Variants in NUP42 observed in about 807,000 individuals in gnomAD.
NUP42 encodes nucleoporin 42, also known as nucleoporin NUP42.
A neutral mutation model predicts 35.9 loss-of-function variants in NUP42; 47 were observed. The observed-to-expected ratio is 1.31, with a 90% confidence interval of 1.04 to 1.67. The LOEUF (loss-of-function observed/expected upper bound fraction) is 1.67, where lower values mean the gene tolerates loss of function less well. Among genes scored for constraint, NUP42 ranks in the 40% most tolerant of loss-of-function variants. The pLI is 0.00. For synonymous variants in NUP42, 173 were observed against 173.3 expected, an observed-to-expected ratio of 1.00 and a Z score of 0.01; for missense variants, 514 against 492.2, an observed-to-expected ratio of 1.04 and a Z score of -0.42.
rs1786176728 is a variant in NUP42 at position 23,200,432 on chromosome 7, C to T, written c.959C>T (p.Pro320Leu). The T allele has an allele frequency of 2.0e-5, 32 of 1,614,196 alleles. No homozygotes were observed. The highest frequency in any genetic ancestry group is 2.6e-5 in the Non-Finnish European group (31 of 1,180,030). Residue 320 changes from proline to leucine, a missense_variant, in exon 7 of 7, where the codon CCA becomes CTA. Transcript: ENST00000258742. ...GGATCACCTGGATTTTCAGGACTTC[C>T]AGCTTCCTTGGCAACAGGTCCTGTC... ...SFGSPGFSGLPASLATGPVRA... is the reference protein window; with the variant it reads ...SFGSPGFSGLLASLATGPVRA...
chr7:23,197,124 T>C (rs1296089519), intron 5 of NUP42: 10 of 829,220 alleles, frequency 1.2e-5, no homozygotes, highest in East Asian at 1.3e-4. Flanking sequence ...TAGAATGTAA[T>C]GTATCGTTTT....
intron 3 of NUP42, among the ~76,000 whole-genome samples, chr7:23,190,525 TAAAC>T (rs984455603): frequency 9.2e-5 from 14 of 152,262 alleles, no homozygotes; most frequent in African/African-American, 3.4e-4. Flanking sequence ...GTAACCCTTG[TAAAC>T]AAACATTCTT....
At chr7:23,197,473 G>A (rs1786053177) in intron 5 of NUP42, among the ~76,000 whole-genome samples, 1 of 152,160 alleles carries the variant, frequency 6.6e-6, no homozygotes, top group Admixed American at 6.5e-5. Context: ...AGACTCTTGT[G>A]CAAGCTAATT....
Position 23,187,138 on chromosome 7 carries a change from A to G in NUP42, c.437A>G (p.Asn146Ser). 2 of 1,601,848 alleles carry G rather than the reference A, an allele frequency of 1.2e-6. No homozygotes were observed. The highest frequency in any genetic ancestry group is 1.7e-5 in the Admixed American group (1 of 59,112). The change falls in exon 3 of 7, where the codon AAT becomes AGT. Residue 146 changes from asparagine to serine, a missense_variant. Transcript: ENST00000258742. ...SVYSPVKKKP[N>S]ISGFTDISPE... Reference sequence around the variant, plus strand: ...TATTCACCAGTGAAAAAGAAACCTAATATTTCAGGTAACTGAAAAATTGTG... The same window carrying G: ...TATTCACCAGTGAAAAAGAAACCTAGTATTTCAGGTAACTGAAAAATTGTG...
intron 5 of NUP42, 151 bp from the exon 6 acceptor site, chr7:23,199,307 C>T (rs771595825): frequency 9.8e-5 from 60 of 609,792 alleles, no homozygotes; most frequent in Non-Finnish European, 1.5e-4. Flanking sequence ...CCTCCTCAGC[C>T]TCCCAAAGTG....
intron 3 of NUP42, among the ~76,000 whole-genome samples, chr7:23,192,295 C>T (rs372892461): frequency 6.2e-4 from 94 of 151,866 alleles, no homozygotes; most frequent in African/African-American, 2.2e-3. Context: ...CCTGTAATCT[C>T]GGCACTTTGG....
chr7:23,200,119 G>T, intron 6 of NUP42, 49 bp from the exon 7 acceptor site: 2 of 1,263,370 alleles, frequency 1.6e-6, no homozygotes, highest in South Asian at 3.2e-5. Flanking sequence ...ACATTTTTCT[G>T]ACCGTAATAG....
intron 3 of NUP42, among the ~76,000 whole-genome samples, chr7:23,192,877 T>C (rs1785851273): frequency 6.6e-6 from 1 of 152,234 alleles, no homozygotes; most frequent in South Asian, 2.1e-4. Context: ...TGGTGGGTTC[T>C]TGGTCTCACT....
chr7:23,185,558 A>C (rs1175546158), intron 2 of NUP42, among the ~76,000 whole-genome samples: 1 of 152,194 alleles, frequency 6.6e-6, no homozygotes, highest in Non-Finnish European at 1.5e-5. Context: ...TTTCTATAAT[A>C]GTAGAGTGCC....
At position 23,182,119 on chromosome 7, in the gene NUP42, T is replaced by TG. The variant is rs1785424250; in HGVS notation, c.35dup (p.Cys12TrpfsTer15). On this transcript the variant is annotated frameshift_variant, in exon 1 of 7. Coordinates refer to ENST00000258742, the MANE Select transcript of NUP42 (RefSeq NM_007342.3). LOFTEE classifies it high-confidence loss of function. ...TTGTCAATTCTTCCTTCAAGGCCGG[T>TG]GCCGCTTTGGAGATCGGTGCTGGAA... 1 of 1,614,082 alleles carries TG rather than the reference T, an allele frequency of 6.2e-7. No individual in the cohort carries two copies. Among genetic ancestry groups the TG allele is most frequent in the Non-Finnish European group, 8.5e-7 (1 of 1,180,040 alleles).
chr7:23,182,607 C>A (rs11976321), intron 1 of NUP42: 6 of 710,284 alleles, frequency 8.4e-6, no homozygotes, highest in Non-Finnish European at 7.0e-6. Flanking sequence ...TTGAAAAAAT[C>A]TAATAAAACC....
At chr7:23,198,411 A>G (rs112733606) in intron 5 of NUP42, 13,302 of 151,440 alleles carry the variant, frequency 0.088, 913 homozygotes, top group African/African-American at 0.18. Context: ...GGATTTCACC[A>G]TGTTAGCCAG....
intron 4 of NUP42, chr7:23,196,472 G>T: frequency 2.0e-6 from 1 of 511,492 alleles, no homozygotes; most frequent in African/African-American, 1.9e-5. Flanking sequence ...CTAACCAGAT[G>T]ATACAAGGAG....
chr7:23,199,458 C>A lies in NUP42; in HGVS notation c.610C>A (p.Leu204Ile). Residue 204 changes from leucine to isoleucine, a missense_variant and splice_region_variant, in exon 6 of 7, where the codon CTC (leucine) becomes ATC (isoleucine). By Grantham distance (5) the Leu-to-Ile change is conservative. Coordinates refer to ENST00000258742, the MANE Select transcript of NUP42 (RefSeq NM_007342.3). ...SLNISTKVAL[L>I]SDVKDGVNQA... ...TTATTTGCACACTTTTTTTTTTCAG[C>A]TCTCTGATGTAAAGGATGGAGTAAA... is the stretch of plus-strand genomic sequence containing the variant. The A allele has an allele frequency of 6.2e-7, 1 of 1,610,170 alleles. No homozygotes were observed. Among genetic ancestry groups the A allele is most frequent in the Non-Finnish European group, 8.5e-7 (1 of 1,178,220 alleles).
intron 1 of NUP42, 187 bp downstream of exon 1, chr7:23,182,393 C>A (rs1785439065): frequency 1.4e-6 from 2 of 1,398,132 alleles, no homozygotes. Flanking sequence ...TCATGTGGTC[C>A]GTTTTTATTG....
At chr7:23,193,910 C>T (rs1785910308) in intron 3 of NUP42, among the ~76,000 whole-genome samples, 1 of 152,250 alleles carries the variant, frequency 6.6e-6, no homozygotes, top group South Asian at 2.1e-4. Context: ...GCAAGAAATC[C>T]AGCGCAGCGC....
chr7:23,192,854 A>G (rs746146485), intron 3 of NUP42, among the ~76,000 whole-genome samples: 9 of 152,266 alleles, frequency 5.9e-5, no homozygotes, highest in African/African-American at 1.4e-4. Context: ...ATGTATACCT[A>G]TGTGTCCGGA....
At chr7:23,199,634 A>T in intron 6 of NUP42, 92 bp downstream of exon 6, 1 of 1,069,344 alleles carries the variant, frequency 9.4e-7, no homozygotes. Flanking sequence ...ATTTTAAATT[A>T]CCTTCGTAAA....
At position 23,200,488 on chromosome 7, in the gene NUP42, G is replaced by A. The variant is rs1786183007; in HGVS notation, c.1015G>A (p.Gly339Ser). 6.2e-7 allele frequency: 1 copy of A among 1,614,094 alleles called. No homozygotes were observed. Among genetic ancestry groups the A allele is most frequent in the Non-Finnish European group, 8.5e-7 (1 of 1,179,962 alleles). ...TCCAGTGGCCCCAGCCTTTGGAGGT[G>A]GCAGTTCTGTGGCTGGTTTTGGTAG... ...RAPVAPAFGGGSSVAGFGSPG... is the reference protein window; with the variant it reads ...RAPVAPAFGGSSSVAGFGSPG... Residue 339 changes from glycine (G) to serine (S), a missense_variant, in exon 7 of 7, where the codon GGC (glycine) becomes AGC (serine). Coordinates refer to ENST00000258742, the MANE Select transcript of NUP42 (RefSeq NM_007342.3).
Sources: gnomAD v4.1 joint callset for allele counts (sites outside exome capture counted in the v4.1 genomes callset) on GRCh38, gnomAD v4.1.1 for gene constraint, MANE v1.5 for transcripts, NCBI Gene and HGNC (gene_info 2026-07-23, HGNC 2026-07-21) for gene names.